Variants in ZNF250 observed in about 807,000 individuals in gnomAD.
ZNF250 encodes the protein zinc finger protein 250.
In ZNF250, 13 loss-of-function variants were observed where a neutral mutation model predicts 37.1. That is an observed-to-expected ratio of 0.35 (90% CI 0.23 to 0.56). ZNF250 has a LOEUF of 0.56. Ranked by LOEUF, ZNF250 falls within the 20% of genes least tolerant of loss-of-function variation. ZNF250 has a pLI of 0.87. For synonymous variants in ZNF250, 251 were observed against 265.6 expected (o/e 0.94, Z 0.54); for missense variants, 474 against 697.9 (o/e 0.68, Z 3.61).
intron 1 of ZNF250, among the ~76,000 whole-genome samples, chr8:144,898,970 G>A (rs1832905144): frequency 6.6e-6 from 1 of 152,068 alleles, no homozygotes; most frequent in East Asian, 1.9e-4. Flanking sequence ...GCTAAGATAT[G>A]GAATCAACCG....
Position 144,881,949 on chromosome 8 carries a change from G to A in ZNF250, c.1234C>T (p.His412Tyr). Residue 412 changes from histidine (H) to tyrosine (Y), a missense_variant, in exon 6 of 6, where the codon CAC becomes TAC. Physicochemically the swap from His to Tyr is moderately conservative, Grantham distance 83. Transcript: ENST00000417550. Reference protein sequence around the residue: ...RSTLMNHERIHTEEKPYACYE... With the variant: ...RSTLMNHERIYTEEKPYACYE... ...CATGCATAGGGCTTTTCCTCGGTGTGGATCCGCTCGTGATTCATCAGTGTG... is the reference window on the plus strand; with the variant it reads ...CATGCATAGGGCTTTTCCTCGGTGTAGATCCGCTCGTGATTCATCAGTGTG... The A allele has an allele frequency of 6.2e-7, 1 of 1,613,824 alleles. No individual in the cohort carries two copies.
Position 144,890,159 on chromosome 8 carries a change from G to C in ZNF250, c.43-100C>G. ...TGACATGAGCAGTTGGCAGTGGGGGGCTCTGTGAGCTGAGGTGGGTGATGG... is the reference window on the plus strand; with the variant it reads ...TGACATGAGCAGTTGGCAGTGGGGGCCTCTGTGAGCTGAGGTGGGTGATGG... On this transcript the variant is annotated intron_variant, in intron 2 of 5. Transcript: ENST00000417550. This position sits in a 1 kb window ranked among gnomAD's most constrained non-coding sequence, Gnocchi z 5.1. 6.5e-7 allele frequency: 1 copy of C among 1,541,648 alleles called. No individual in the cohort carries two copies. Among genetic ancestry groups the C allele is most frequent in the African/African-American group, 1.4e-5 (1 of 73,288 alleles).
At chr8:144,894,066 G>A (rs1832540278) in intron 1 of ZNF250, among the ~76,000 whole-genome samples, 1 of 152,038 alleles carries the variant, frequency 6.6e-6, no homozygotes, top group African/African-American at 2.4e-5. Flanking sequence ...GTGTCTCATA[G>A]CATCTCAGAC....
intron 4 of ZNF250, among the ~76,000 whole-genome samples, chr8:144,887,952 A>AG (rs990063271): frequency 6.6e-6 from 1 of 152,244 alleles, no homozygotes; most frequent in African/African-American, 2.4e-5. Flanking sequence ...GGAGCTTTCA[A>AG]GGGGAAAACC....
rs745354489 is a variant in ZNF250 at position 144,893,461 on chromosome 8, G to C, written c.-54-3058C>G. 7.6e-4 allele frequency among the ~76,000 whole-genome samples: 115 copies of C among 152,300 alleles called. 1 individual carries two copies. In the Middle Eastern group the frequency reaches 0.01, roughly 14 times the overall value. ...TCCTCCTACCTTAGCCTCCTGAGTA[G>C]CTGGGACTACAGACACCTGCCTCCA... On this transcript the variant is annotated intron_variant, in intron 1 of 5. Transcript: ENST00000417550.
At chr8:144,886,130 C>T (rs970445880) in intron 5 of ZNF250, among the ~76,000 whole-genome samples, 7 of 151,050 alleles carry the variant, frequency 4.6e-5, no homozygotes, top group Middle Eastern at 3.5e-3. Flanking sequence ...GAATGGGCGG[C>T]TTCTGACCTG....
rs936063225 is a variant in ZNF250, at chr8:144,880,966, T to C, written c.*549A>G. Reference sequence around the variant, plus strand: ...AAAACAGGACTCCACACACTTAGGATGGAAATCCACACACTTAGGATTTCC... The same window carrying C: ...AAAACAGGACTCCACACACTTAGGACGGAAATCCACACACTTAGGATTTCC... On this transcript the variant is annotated 3_prime_UTR_variant, in exon 6 of 6. Coordinates refer to ENST00000417550, the MANE Select transcript of ZNF250 (RefSeq NM_001109689.4). 6.3e-6 allele frequency: 1 copy of C among 159,372 alleles called. No individual in the cohort carries two copies. Among genetic ancestry groups the C allele is most frequent in the African/African-American group, 2.4e-5 (1 of 41,506 alleles). The allele number at this position is 159,372 out of a possible 1,614,324, so 9.9% of individuals were successfully genotyped here. A position where few individuals can be genotyped will look rare whatever the true frequency, so the allele number is the denominator to read the frequency against.
At chr8:144,896,008 CAAAAAA>C (rs1183288137) in intron 1 of ZNF250, among the ~76,000 whole-genome samples, 1 of 64,912 alleles carries the variant, frequency 1.5e-5, no homozygotes, top group Admixed American at 1.7e-4. Flanking sequence ...GACTCTGTCT[CAAAAAA>C]AAAAAAAAAA....
At chr8:144,883,675 CAGG>C (rs909985420) in intron 5 of ZNF250, among the ~76,000 whole-genome samples, 2 of 151,664 alleles carry the variant, frequency 1.3e-5, no homozygotes, top group African/African-American at 4.8e-5. Context: ...AATGCAGTGG[CAGG>C]AGGAGGGGAG....
At chr8:144,889,883 C>A (rs2129788890) in intron 3 of ZNF250, 50 bp downstream of exon 3, 2 of 1,555,014 alleles carry the variant, frequency 1.3e-6, no homozygotes, top group Non-Finnish European at 8.7e-7. Context: ...GAAGCCCCCA[C>A]CCCAGTCCAA....
chr8:144,883,409 G>A (rs1831642541), intron 5 of ZNF250, among the ~76,000 whole-genome samples: 1 of 151,180 alleles, frequency 6.6e-6, no homozygotes, highest in South Asian at 2.1e-4. Context: ...GCACAATCTC[G>A]GTTCACTGCA....
chr8:144,901,306 G>A lies in ZNF250; in HGVS notation c.-55+93C>T, dbSNP rs993773540. The A allele has an allele frequency of 1.3e-5, 2 of 152,358 alleles. No individual in the cohort carries two copies. Among genetic ancestry groups the A allele is most frequent in the Non-Finnish European group, 2.9e-5 (2 of 68,162 alleles). 9.4% of individuals were successfully genotyped at this position (152,358 alleles called of 1,614,324 possible). A position where few individuals can be genotyped will look rare whatever the true frequency, so the allele number is the denominator to read the frequency against. On this transcript the variant is annotated intron_variant, in intron 1 of 5. Transcript: ENST00000417550. This position sits in a 1 kb window ranked among gnomAD's most constrained non-coding sequence, Gnocchi z 5.4. ...GCAGGAGGCAGTGCGTGCTCGCGGG[G>A]AAGAGTCCACGATTCGTGTGGAGGA...
chr8:144,894,910 C>T (rs912175884), intron 1 of ZNF250, among the ~76,000 whole-genome samples: 5 of 152,124 alleles, frequency 3.3e-5, no homozygotes, highest in African/African-American at 1.2e-4. Flanking sequence ...GGGATCCTCC[C>T]TCCTTGGCCT....
At position 144,897,292 on chromosome 8, in the gene ZNF250, C is replaced by A. The variant is rs1832784944; in HGVS notation, c.-55+4107G>T. Among the ~76,000 whole-genome samples, 1 of 152,222 alleles carries A rather than the reference C, an allele frequency of 6.6e-6. No homozygotes were observed. The highest frequency in any genetic ancestry group is 1.5e-5 in the Non-Finnish European group (1 of 68,040). ...CTGCTAACAAGCACTGCTCCCTCTT[C>A]ATCACCAAGGAGCCCCTACCCGCTA... is the stretch of plus-strand genomic sequence containing the variant. On this transcript the variant is annotated intron_variant, in intron 1 of 5. Transcript: ENST00000417550. This position sits in a 1 kb window ranked among gnomAD's most constrained non-coding sequence, Gnocchi z 5.2.
At position 144,897,756 on chromosome 8, in the gene ZNF250, ATTAAT is replaced by A. The variant is rs1832816680; in HGVS notation, c.-55+3638_-55+3642del. ...AGTCATTAGCATTGTTTCTATAGATATTAATTTAACTAAAAGTATCCCTTATGGGA... is the reference window on the plus strand; with the variant it reads ...AGTCATTAGCATTGTTTCTATAGATATTAACTAAAAGTATCCCTTATGGGA... On this transcript the variant is annotated intron_variant, in intron 1 of 5. Transcript: ENST00000417550. The surrounding 1 kb of genome is among the most constrained non-coding windows in gnomAD (Gnocchi z 5.2). Among the ~76,000 whole-genome samples the A allele has an allele frequency of 6.6e-6, 1 of 152,248 alleles. No individual in the cohort carries two copies. The highest frequency in any genetic ancestry group is 2.4e-5 in the African/African-American group (1 of 41,472).
rs1422229539 is a variant in ZNF250 at position 144,897,325 on chromosome 8, A to G, written c.-55+4074T>C. Reference sequence around the variant, plus strand: ...AGGAGCCCCTACCCGCTAGGGTGAAAGCACTTTCAAGAGAGGCAGCTTCTG... The same window carrying G: ...AGGAGCCCCTACCCGCTAGGGTGAAGGCACTTTCAAGAGAGGCAGCTTCTG... On this transcript the variant is annotated intron_variant, in intron 1 of 5. Transcript: ENST00000417550. This position sits in a 1 kb window ranked among gnomAD's most constrained non-coding sequence, Gnocchi z 5.2. Among the ~76,000 whole-genome samples the G allele has an allele frequency of 6.6e-6, 1 of 152,230 alleles. No individual in the cohort carries two copies.
intron 4 of ZNF250, 83 bp downstream of exon 4, chr8:144,889,498 C>T (rs1048689060): frequency 4.5e-5 from 49 of 1,093,532 alleles, no homozygotes; most frequent in African/African-American, 7.8e-5. Context: ...CTCCAGTGAG[C>T]GGCACAGTAT....
At position 144,881,331 on chromosome 8, in the gene ZNF250, G is replaced by C. The variant is rs140748649; in HGVS notation, c.*184C>G. 2.7e-6 allele frequency: 2 copies of C among 738,046 alleles called. No individual in the cohort carries two copies. The highest frequency in any genetic ancestry group is 1.8e-5 in the African/African-American group (1 of 56,546). The allele number at this position is 738,046 out of a possible 1,614,324, so 45.7% of individuals were successfully genotyped here. On this transcript the variant is annotated 3_prime_UTR_variant, in exon 6 of 6. Transcript: ENST00000417550. Reference sequence around the variant, plus strand: ...TCAAGATGTTGAGGAAAATAAAACAGGTAGTCTCTGAAGTTTTTCCACAGG... The same window carrying C: ...TCAAGATGTTGAGGAAAATAAAACACGTAGTCTCTGAAGTTTTTCCACAGG...
chr8:144,896,030 A>C (rs1462422633), intron 1 of ZNF250, among the ~76,000 whole-genome samples: 2 of 149,614 alleles, frequency 1.3e-5, no homozygotes. Flanking sequence ...AAAAAAAAAA[A>C]TCCTATCACA....
Sources: gnomAD v4.1 joint callset for allele counts (sites outside exome capture counted in the v4.1 genomes callset) on GRCh38, gnomAD v4.1.1 for gene constraint, Gnocchi (gnomAD v3.1) non-coding constraint, MANE v1.5 for transcripts, NCBI Gene and HGNC (gene_info 2026-07-23, HGNC 2026-07-21) for gene names.